Variants in LONRF1 observed in about 807,000 individuals in gnomAD.
LONRF1 encodes the protein LON peptidase N-terminal domain and ring finger 1.
LONRF1 carries 37 observed loss-of-function variants against 85.8 expected under a neutral mutation model. The observed-to-expected ratio is 0.43, with a 90% CI of 0.33 to 0.57. The LOEUF is 0.57. Among genes scored for constraint, LONRF1 ranks in the 20% least tolerant of loss-of-function variants. The pLI is 0.04. For missense variants in LONRF1, 1,036 were observed against 978.0 expected (o/e 1.06, Z -0.79); for synonymous variants, 517 against 390.1 (o/e 1.33, Z -3.83).
At chr8:12,728,051 T>C (rs1420332489) in intron 10 of LONRF1, among the ~76,000 whole-genome samples, 1 of 152,218 alleles carries the variant, frequency 6.6e-6, no homozygotes, top group Non-Finnish European at 1.5e-5. Context: ...GAGTTAATGT[T>C]TGTGAAAATA....
rs1349898441 is a variant in LONRF1 at position 12,723,249 on chromosome 8, G to C, written c.2169C>G (p.Ala723=). The change falls in exon 12 of 12, where the codon GCC becomes GCG. Residue 723 remains alanine, a synonymous_variant. Transcript: ENST00000398246. ...MPEREENLQA[A]PNGPAWCWWL... ...ACCAACACCATGCAGGTCCATTAGG[G>C]GCTGCCTAAAAACAATGGACAGTTT... 2 of 1,606,256 alleles carry C rather than the reference G, an allele frequency of 1.2e-6. No homozygotes were observed. Among genetic ancestry groups the C allele is most frequent in the Non-Finnish European group, 1.7e-6 (2 of 1,177,820 alleles).
chr8:12,731,658 G>T, intron 8 of LONRF1, 78 bp downstream of exon 8: 1 of 1,227,038 alleles, frequency 8.1e-7, no homozygotes, highest in South Asian at 1.5e-5. Flanking sequence ...ACTAAAGACA[G>T]GATCCAGCTT....
At chr8:12,745,405 C>CATTT (rs1554467227) in intron 1 of LONRF1, among the ~76,000 whole-genome samples, 9 of 151,196 alleles carry the variant, frequency 6.0e-5, no homozygotes, top group Non-Finnish European at 1.3e-4. Flanking sequence ...AGGACCATCA[C>CATTT]ACTGATCTCA....
In LONRF1 at chr8:12,737,135, T is replaced by C. The variant is rs534893294; in HGVS notation, c.1119A>G (p.Glu373=). The change falls in exon 5 of 12, where the codon GAA becomes GAG. Residue 373 remains glutamate, a synonymous_variant. Transcript: ENST00000398246. The part of the protein sequence containing the change: ...SLNEPSPKQS[E]EIPEVTSEPV... Reference sequence around the variant, plus strand: ...GCTCTGAAGTGACCTCTGGTATTTCTTCACTCTACAAAAATACAATAAACA... The same window carrying C: ...GCTCTGAAGTGACCTCTGGTATTTCCTCACTCTACAAAAATACAATAAACA... The C allele has an allele frequency of 3.5e-5, 57 of 1,610,806 alleles. No individual in the cohort carries two copies. The East Asian group carries it at 1.2e-3, about 33-fold the overall frequency.
chr8:12,737,962 C>G (rs373051747), intron 4 of LONRF1, 33 bp downstream of exon 4: 3 of 1,579,752 alleles, frequency 1.9e-6, no homozygotes, highest in Non-Finnish European at 8.6e-7. Context: ...AATGGATACG[C>G]TAAACTCATG....
Position 12,755,244 on chromosome 8 carries a change from C to G in LONRF1, c.177G>C (p.Ala59=). The change falls in exon 1 of 12, where the codon GCG becomes GCC. Residue 59 remains alanine (A), a synonymous_variant. Transcript: ENST00000398246. ...ELLLRRGELL[A]LGGHLKGALE... is the part of the protein sequence containing the mutation. ...GCGCGCCCTTCAGGTGGCCGCCCAGCGCCAGCAGCTCCCCGCGGCGGAGCA... is the reference window on the plus strand; with the variant it reads ...GCGCGCCCTTCAGGTGGCCGCCCAGGGCCAGCAGCTCCCCGCGGCGGAGCA... 1.6e-6 allele frequency: 2 copies of G among 1,236,880 alleles called. No homozygotes were observed. The highest frequency in any genetic ancestry group is 3.4e-5 in the South Asian group (1 of 29,800). The allele number at this position is 1,236,880 out of a possible 1,614,324, so 76.6% of individuals were successfully genotyped here.
chr8:12,741,275 C>T lies in LONRF1; in HGVS notation c.841-279G>A, dbSNP rs553645805. The stretch of plus-strand genomic sequence containing the variant: ...GGCATGCACCTGTAATCCCAGCTAA[C>T]TGGGAGGCTAAGGCATGAAAATCAC... On this transcript the variant is annotated intron_variant, in intron 2 of 11. Transcript: ENST00000398246. 6.6e-5 allele frequency among the ~76,000 whole-genome samples: 10 copies of T among 152,190 alleles called. No individual in the cohort carries two copies. The East Asian group carries it at 1.9e-3, about 29-fold the overall frequency.
intron 7 of LONRF1, among the ~76,000 whole-genome samples, chr8:12,734,060 T>C (rs933814954): frequency 6.6e-6 from 1 of 152,280 alleles, no homozygotes; most frequent in South Asian, 2.1e-4. Context: ...TGCACCAACC[T>C]AACAGTTAAT....
At chr8:12,738,452 T>G (rs1342505917) in intron 3 of LONRF1, among the ~76,000 whole-genome samples, 1 of 152,210 alleles carries the variant, frequency 6.6e-6, no homozygotes, top group Non-Finnish European at 1.5e-5. Flanking sequence ...AAAGACATAT[T>G]AAATATTTAT....
intron 6 of LONRF1, 112 bp from the exon 7 acceptor site, chr8:12,735,512 C>T: frequency 1.4e-6 from 1 of 697,654 alleles, no homozygotes; most frequent in Admixed American, 2.3e-5. Context: ...AGAAGGAGGG[C>T]CCAGCAGGCA....
chr8:12,750,847 A>C (rs2117348378), intron 1 of LONRF1, among the ~76,000 whole-genome samples: 1 of 152,340 alleles, frequency 6.6e-6, no homozygotes, highest in East Asian at 1.9e-4. Flanking sequence ...CAAGGTTTAG[A>C]TTCCACTTTC....
At position 12,731,801 on chromosome 8, in the gene LONRF1, C is replaced by T; in HGVS notation, c.1623G>A (p.Lys541=). The change falls in exon 8 of 12, where the codon AAG becomes AAA. Residue 541 remains lysine (K), a synonymous_variant. Transcript: ENST00000398246. ...TCTCAGACAGTTCATCAGGCAGATA[C>T]TTCACTATTAATTCTTCCAACAGCT... ...VTQLLEELIV[K]YLPDELSERK... 2 of 1,612,498 alleles carry T rather than the reference C, an allele frequency of 1.2e-6. No homozygotes were observed. Among genetic ancestry groups the T allele is most frequent in the Non-Finnish European group, 1.7e-6 (2 of 1,178,684 alleles).
chr8:12,733,237 T>C lies in LONRF1; in HGVS notation c.1567-1380A>G, dbSNP rs564186848. 1.8e-3 allele frequency among the ~76,000 whole-genome samples: 268 copies of C among 152,296 alleles called. 1 individual carries two copies. Among genetic ancestry groups the C allele is most frequent in the Non-Finnish European group, 3.3e-3 (226 of 68,024 alleles). ...ATCAAATTAGCTGTCATAAAAGCAA[T>C]TCCATTATCATTTTCTATTAAGTTA... On this transcript the variant is annotated intron_variant, in intron 7 of 11. Coordinates refer to ENST00000398246, the MANE Select transcript of LONRF1 (RefSeq NM_152271.5).
intron 1 of LONRF1, among the ~76,000 whole-genome samples, chr8:12,745,689 G>A (rs934421545): frequency 4.6e-5 from 7 of 152,100 alleles, no homozygotes; most frequent in Non-Finnish European, 8.8e-5. Context: ...GCAAGTGCCT[G>A]GCATATTATG....
intron 1 of LONRF1, chr8:12,753,641 G>A (rs1434786307): frequency 6.6e-6 from 1 of 152,100 alleles, no homozygotes; most frequent in Non-Finnish European, 1.5e-5. Context: ...CCTGAGAGAG[G>A]GGAGATAAAA....
chr8:12,727,927 C>T (rs7010337), intron 10 of LONRF1, among the ~76,000 whole-genome samples: 1 of 152,204 alleles, frequency 6.6e-6, no homozygotes, highest in South Asian at 2.1e-4. Flanking sequence ...CTGAGTCAGA[C>T]AGTTTGCTTT....
intron 1 of LONRF1, among the ~76,000 whole-genome samples, chr8:12,749,306 G>A (rs1484567116): frequency 2.6e-5 from 4 of 152,098 alleles, no homozygotes; most frequent in Non-Finnish European, 5.9e-5. Context: ...ACAACAGACA[G>A]CACAAAGGTG....
At chr8:12,748,610 T>A (rs1025306540) in intron 1 of LONRF1, among the ~76,000 whole-genome samples, 1 of 152,214 alleles carries the variant, frequency 6.6e-6, no homozygotes, top group Non-Finnish European at 1.5e-5. Context: ...TAGAAATACA[T>A]AAATTAAAAA....
Position 12,754,771 on chromosome 8 carries a change from C to G in LONRF1, c.650G>C (p.Arg217Thr). 1 of 1,472,454 alleles carries G rather than the reference C, an allele frequency of 6.8e-7. No homozygotes were observed. The highest frequency in any genetic ancestry group is 1.3e-5 in the South Asian group (1 of 77,972). The allele number at this position is 1,472,454 out of a possible 1,614,324, so 91.2% of individuals were successfully genotyped here. A position where few individuals can be genotyped will look rare whatever the true frequency, so the allele number is the denominator to read the frequency against. Residue 217 changes from arginine (R) to threonine (T), a missense_variant, in exon 1 of 12, where the codon AGG becomes ACG. This residue lies in a region of LONRF1 where 742 missense variants were observed against 614.4 expected (regional missense o/e 1.21). Coordinates refer to ENST00000398246, the MANE Select transcript of LONRF1 (RefSeq NM_152271.5). ...CCCCTGGTGCAGTAGCTCCCCGAGCCTGCCGGCCGCCCGGGCCCGCTCGCG... is the reference window on the plus strand; with the variant it reads ...CCCCTGGTGCAGTAGCTCCCCGAGCGTGCCGGCCGCCCGGGCCCGCTCGCG... ...GQRERARAAG[R>T]LGELLHQGRY...
Sources: gnomAD v4.1 joint callset for allele counts (sites outside exome capture counted in the v4.1 genomes callset) on GRCh38, gnomAD v4.1.1 for gene constraint, gnomAD v4.1.1 regional missense constraint, MANE v1.5 for transcripts, NCBI Gene and HGNC (gene_info 2026-07-23, HGNC 2026-07-21) for gene names.